The following KIAA1328 variants were observed in gnomAD, a reference collection of about 807,000 sequenced individuals.
KIAA1328 encodes the protein protein hinderin.
A neutral mutation model predicts 68.1 loss-of-function variants in KIAA1328; 52 were observed. The ratio of observed to expected loss-of-function variants is 0.76; its 90% CI spans 0.61 to 0.96. The LOEUF is 0.96. KIAA1328 is among the 40% of genes least tolerant of loss of function. The pLI is 0.00. For missense variants in KIAA1328, 641 were observed against 677.6 expected (o/e 0.95, Z 0.60); for synonymous variants, 232 against 239.4 (o/e 0.97, Z 0.28).
intron 7 of KIAA1328, among the ~76,000 whole-genome samples, chr18:37,095,408 G>A (rs2057376750): frequency 5.9e-5 from 9 of 152,062 alleles, no homozygotes. Context: ...AGTAAGACTA[G>A]AAGTCAATAA....
chr18:37,104,673 A>G (rs1207051737), intron 7 of KIAA1328, among the ~76,000 whole-genome samples: 1 of 152,228 alleles, frequency 6.6e-6, no homozygotes, highest in Non-Finnish European at 1.5e-5. Context: ...GAAATGATAA[A>G]TATTTGAGGT....
At chr18:37,218,853 A>C (rs778481691) in intron 9 of KIAA1328, among the ~76,000 whole-genome samples, 2 of 152,072 alleles carry the variant, frequency 1.3e-5, no homozygotes, top group Non-Finnish European at 2.9e-5. Context: ...GCTTTGTTCC[A>C]TTGCTGGCGA....
chr18:36,829,554 G>A (rs1600883069), intron 1 of KIAA1328: 1 of 710,960 alleles, frequency 1.4e-6, no homozygotes. Context: ...AGTGTGCGGA[G>A]CTAGCTCGAA....
chr18:37,131,624 T>C (rs141364412), intron 7 of KIAA1328, among the ~76,000 whole-genome samples: 147 of 152,290 alleles, frequency 9.7e-4, no homozygotes, highest in African/African-American at 3.5e-3. Flanking sequence ...GAAGCCTTTT[T>C]GCACAACACA....
intron 6 of KIAA1328, among the ~76,000 whole-genome samples, chr18:37,008,286 A>G (rs1379277005): frequency 6.6e-6 from 1 of 152,224 alleles, no homozygotes; most frequent in Non-Finnish European, 1.5e-5. Flanking sequence ...GCATGCACAA[A>G]GCAGACCCAA....
intron 7 of KIAA1328, among the ~76,000 whole-genome samples, chr18:37,097,668 G>A (rs1212761817): frequency 1.4e-4 from 21 of 152,196 alleles, no homozygotes; most frequent in African/African-American, 3.6e-4. Flanking sequence ...CTTGGGCAGT[G>A]TGGCCATTTT....
intron 5 of KIAA1328, among the ~76,000 whole-genome samples, chr18:36,890,117 AG>A: frequency 6.6e-6 from 1 of 152,176 alleles, no homozygotes; most frequent in East Asian, 1.9e-4. Context: ...GGGTTTAGAA[AG>A]GTGCTTGTAG....
At chr18:36,996,680 A>G (rs1002593933) in intron 6 of KIAA1328, among the ~76,000 whole-genome samples, 9 of 152,116 alleles carry the variant, frequency 5.9e-5, no homozygotes, top group Non-Finnish European at 8.8e-5. Context: ...CTTTGTTTCT[A>G]TATTAGAGTT....
At chr18:36,972,354 G>C (rs889052429) in intron 6 of KIAA1328, among the ~76,000 whole-genome samples, 1 of 152,022 alleles carries the variant, frequency 6.6e-6, no homozygotes, top group Non-Finnish European at 1.5e-5. Context: ...TCTTCTTTAG[G>C]TGCAGTGTTT....
In KIAA1328 at chr18:37,222,253, T is replaced by C. The variant is rs1345981314; in HGVS notation, c.*26T>C. 6.4e-7 allele frequency: 1 copy of C among 1,551,034 alleles called. No individual in the cohort carries two copies. The highest frequency in any genetic ancestry group is 1.2e-5 in the South Asian group (1 of 83,986). ...CATATTGCAAAATTTTCTTAGGAAA[T>C]TTGTGGGTTTCCTCACATACTGATC... On this transcript the variant is annotated 3_prime_UTR_variant, in exon 10 of 10. Transcript: ENST00000280020.
At chr18:36,992,437 C>A (rs1451388551) in intron 6 of KIAA1328, among the ~76,000 whole-genome samples, 1 of 116,544 alleles carries the variant, frequency 8.6e-6, no homozygotes, top group Non-Finnish European at 1.7e-5. Context: ...GGTCCAATTT[C>A]TTTTCTTTTC....
chr18:37,072,567 T>TC (rs1241471801), intron 7 of KIAA1328, among the ~76,000 whole-genome samples: 1 of 152,184 alleles, frequency 6.6e-6, no homozygotes, highest in Non-Finnish European at 1.5e-5. Context: ...ATTATTTTTT[T>TC]CTAATACTTT....
At chr18:37,191,417 A>G (rs1335648181) in intron 9 of KIAA1328, among the ~76,000 whole-genome samples, 1 of 152,192 alleles carries the variant, frequency 6.6e-6, no homozygotes, top group Admixed American at 6.5e-5. Context: ...TCCTAGCCTT[A>G]AAGTATCCTG....
intron 8 of KIAA1328, among the ~76,000 whole-genome samples, chr18:37,164,480 C>G (rs1474104148): frequency 6.6e-6 from 1 of 152,140 alleles, no homozygotes; most frequent in Non-Finnish European, 1.5e-5. Flanking sequence ...TGTGGTGGCT[C>G]ACGCCTGTAA....
At chr18:36,862,039 A>G (rs2047580241) in intron 4 of KIAA1328, among the ~76,000 whole-genome samples, 1 of 152,196 alleles carries the variant, frequency 6.6e-6, no homozygotes, top group Non-Finnish European at 1.5e-5. Context: ...TTAAAAAAAG[A>G]AACAACTTTT....
At chr18:36,924,585 AAG>A (rs1431762758) in intron 5 of KIAA1328, among the ~76,000 whole-genome samples, 3 of 152,198 alleles carry the variant, frequency 2.0e-5, no homozygotes, top group Non-Finnish European at 2.9e-5. Flanking sequence ...CAATTTAATT[AAG>A]AGTCTGGAGT....
At chr18:36,912,579 C>A (rs1193507833) in intron 5 of KIAA1328, among the ~76,000 whole-genome samples, 1 of 152,154 alleles carries the variant, frequency 6.6e-6, no homozygotes, top group Non-Finnish European at 1.5e-5. Flanking sequence ...TGTACCGTTA[C>A]TCCGCCTGCC....
intron 6 of KIAA1328, among the ~76,000 whole-genome samples, chr18:37,057,513 C>T (rs539936420): frequency 5.9e-5 from 9 of 151,658 alleles, no homozygotes; most frequent in African/African-American, 1.2e-4. Context: ...CTGCAAGCTC[C>T]GCCTCCCGAG....
chr18:37,136,367 C>T (rs965816720), intron 7 of KIAA1328, among the ~76,000 whole-genome samples: 2 of 152,136 alleles, frequency 1.3e-5, no homozygotes, highest in Non-Finnish European at 2.9e-5. Context: ...TATTTTTTGG[C>T]ATACTGTAAA....
Sources: allele counts gnomAD v4.1 joint callset (sites outside exome capture counted in the v4.1 genomes callset), GRCh38; gene constraint gnomAD v4.1.1; transcripts MANE v1.5; gene names NCBI Gene and HGNC (gene_info 2026-07-23, HGNC 2026-07-21).